Variants in PCDHGA1 observed in about 807,000 individuals in gnomAD.
The protein encoded by PCDHGA1 is protocadherin gamma-A1.
PCDHGA1 carries 32 observed loss-of-function variants against 58.0 expected under a neutral mutation model. The ratio of observed to expected loss-of-function variants is 0.55; its 90% CI spans 0.42 to 0.74. The LOEUF (loss-of-function observed/expected upper bound fraction) is 0.74, where lower values mean the gene tolerates loss of function less well. Among genes scored for constraint, PCDHGA1 ranks in the 30% least tolerant of loss-of-function variants. The pLI is 0.00. For missense variants in PCDHGA1, 1,205 were observed against 1,182.3 expected (o/e 1.02, Z -0.28); for synonymous variants, 498 against 501.1 (o/e 0.99, Z 0.08).
At chr5:141,399,425 G>A (rs2093805755) in intron 1 of PCDHGA1, 1 of 1,613,990 alleles carries the variant, frequency 6.2e-7, no homozygotes. Context: ...TCCAGCATAA[G>A]CGTCATCCTA....
At chr5:141,347,056 TTCCTTCCTTCCTTCCTCTCTCTCTTTCC>T (rs1561493149) in intron 1 of PCDHGA1, among the ~76,000 whole-genome samples, 163 of 135,468 alleles carry the variant, frequency 1.2e-3, no homozygotes, top group South Asian at 1.1e-3. Flanking sequence ...TCTTTCCTCC[TTCCTTCCTTCCTTCCTCTCTCTCTTTCC>T]TCCTTCCTTC....
In PCDHGA1 at chr5:141,332,339, T is replaced by G; in HGVS notation, c.1655T>G (p.Leu552Arg). The G allele has an allele frequency of 6.2e-7, 1 of 1,614,204 alleles. No individual in the cohort carries two copies. Residue 552 changes from leucine (L) to arginine (R), a missense_variant, in exon 1 of 4, where the codon CTG becomes CGG. By Grantham distance (102) the Leu-to-Arg change is moderately radical (BLOSUM62 -2). Transcript: ENST00000517417. The surrounding 1 kb of genome is among the most constrained non-coding windows in gnomAD (Gnocchi z 4.6). ...LSSNVSLSLF[L>R]LDQNDNAPEI... ...AGCAACGTGTCTCTCAGCCTATTCC[T>G]GCTGGACCAGAACGACAACGCGCCC...
intron 1 of PCDHGA1, chr5:141,351,851 A>G (rs543692676): frequency 1.9e-6 from 3 of 1,613,034 alleles, no homozygotes; most frequent in Non-Finnish European, 2.5e-6. Context: ...ACTGCAGGCC[A>G]GGGACCAGGG....
chr5:141,357,488 C>G (rs1230103133), intron 1 of PCDHGA1: 2 of 1,614,218 alleles, frequency 1.2e-6, no homozygotes, highest in Admixed American at 1.7e-5. Context: ...ACCGCGGACT[C>G]GCGGAAGAGT....
chr5:141,362,794 C>T (rs865957377), intron 1 of PCDHGA1, among the ~76,000 whole-genome samples: 2 of 152,246 alleles, frequency 1.3e-5, no homozygotes, highest in African/African-American at 4.8e-5. Context: ...TTTTCTTCCT[C>T]ATCTTTACAT....
chr5:141,372,689 T>C (rs1465173410), intron 1 of PCDHGA1: 1 of 1,614,032 alleles, frequency 6.2e-7, no homozygotes. Flanking sequence ...ACACCGAGTT[T>C]AAATTTCTCA....
chr5:141,391,553 T>G (rs2150453893), intron 1 of PCDHGA1: 1 of 152,348 alleles, frequency 6.6e-6, no homozygotes, highest in South Asian at 2.1e-4. Context: ...CTACCCAGTT[T>G]TCCATATGCA....
chr5:141,487,826 T>C lies in PCDHGA1; in HGVS notation c.2422-6981T>C, dbSNP rs1321152837. 24 of 1,187,814 alleles carry C rather than the reference T, an allele frequency of 2.0e-5. No homozygotes were observed. The highest frequency in any genetic ancestry group is 2.8e-5 in the Non-Finnish European group (24 of 856,356). The allele number at this position is 1,187,814 out of a possible 1,614,324, so 73.6% of individuals were successfully genotyped here. On this transcript the variant is annotated intron_variant, in intron 1 of 3. Coordinates refer to ENST00000517417, the MANE Select transcript of PCDHGA1 (RefSeq NM_018912.3). The surrounding 1 kb of genome is among the most constrained non-coding windows in gnomAD (Gnocchi z 5.0). ...ACAGTTTAGCATTGGGGGCGGGTCA[T>C]GCCTATATCTGAGTAAGAAATGAAA... is the stretch of plus-strand genomic sequence containing the variant.
At position 141,489,297 on chromosome 5, in the gene PCDHGA1, G is replaced by A. The variant is rs184934961; in HGVS notation, c.2422-5510G>A. 5.1e-6 allele frequency: 8 copies of A among 1,583,774 alleles called. No homozygotes were observed. Among genetic ancestry groups the A allele is most frequent in the Non-Finnish European group, 6.9e-6 (8 of 1,164,904 alleles). ...GGAAATGGCAAGTGCTGTGCATGTT[G>A]TCCTTGTGCTGCTGGGGCTGGGTGT... is the stretch of plus-strand genomic sequence containing the variant. On this transcript the variant is annotated intron_variant, in intron 1 of 3. Coordinates refer to ENST00000517417, the MANE Select transcript of PCDHGA1 (RefSeq NM_018912.3). This position sits in a 1 kb window ranked among gnomAD's most constrained non-coding sequence, Gnocchi z 4.5.
intron 1 of PCDHGA1, chr5:141,366,538 C>T (rs1369448812): frequency 2.5e-6 from 4 of 1,614,268 alleles, no homozygotes; most frequent in Admixed American, 1.7e-5. Flanking sequence ...CGGGTGTGCC[C>T]GCCTCGCACT....
At chr5:141,413,449 G>T in intron 1 of PCDHGA1, 2 of 1,614,120 alleles carry the variant, frequency 1.2e-6, no homozygotes, top group South Asian at 2.2e-5. Context: ...GATCACCGCG[G>T]GCAGGATAGA....
Position 141,431,581 on chromosome 5 carries a change from T to C in PCDHGA1, c.2422-63226T>C. The C allele has an allele frequency of 1.2e-6, 2 of 1,614,160 alleles. No individual in the cohort carries two copies. Among genetic ancestry groups the C allele is most frequent in the Non-Finnish European group, 1.7e-6 (2 of 1,180,022 alleles). ...CTACCGACCCTGACGAAGGAGTCAA[T>C]GCGGAAGTGAGGTATTCCTTCCGGT... On this transcript the variant is annotated intron_variant, in intron 1 of 3. Transcript: ENST00000517417. This position sits in a 1 kb window ranked among gnomAD's most constrained non-coding sequence, Gnocchi z 4.8.
chr5:141,400,459 G>T, intron 1 of PCDHGA1: 1 of 1,614,072 alleles, frequency 6.2e-7, no homozygotes, highest in African/African-American at 1.3e-5. Context: ...CATACTTTGT[G>T]GTGATTCATC....
chr5:141,494,601 A>T (rs1396717178), intron 1 of PCDHGA1, among the ~76,000 whole-genome samples: 1 of 151,892 alleles, frequency 6.6e-6, no homozygotes, highest in East Asian at 1.9e-4. Context: ...ATGAAATGTG[A>T]TTTATCTCTT....
At position 141,366,991 on chromosome 5, in the gene PCDHGA1, A is replaced by G. The variant is rs1764892123; in HGVS notation, c.2421+33886A>G. The G allele has an allele frequency of 1.3e-5, 6 of 477,098 alleles. No individual in the cohort carries two copies. The South Asian group carries it at 2.2e-4, about 18-fold the overall frequency. 29.6% of individuals were successfully genotyped at this position (477,098 alleles called of 1,614,324 possible). A position where few individuals can be genotyped will look rare whatever the true frequency, so the allele number is the denominator to read the frequency against. Reference sequence around the variant, plus strand: ...AAATACCTTAAAGGAAAGTGGTTAAATATAATCATTTTACCCAAATATTTT... The same window carrying G: ...AAATACCTTAAAGGAAAGTGGTTAAGTATAATCATTTTACCCAAATATTTT... On this transcript the variant is annotated intron_variant, in intron 1 of 3. Coordinates refer to ENST00000517417, the MANE Select transcript of PCDHGA1 (RefSeq NM_018912.3).
In PCDHGA1 at chr5:141,505,419, C is replaced by G. The variant is rs1303924776; in HGVS notation, c.2507C>G (p.Thr836Ser). 6 of 1,614,140 alleles carry G rather than the reference C, an allele frequency of 3.7e-6. No individual in the cohort carries two copies. The highest frequency in any genetic ancestry group is 4.2e-6 in the Non-Finnish European group (5 of 1,180,062). Residue 836 changes from threonine to serine, a missense_variant, in exon 3 of 4, where the codon ACC becomes AGC. Thr to Ser is a moderately conservative substitution (Grantham distance 58). Coordinates refer to ENST00000517417, the MANE Select transcript of PCDHGA1 (RefSeq NM_018912.3). ...SGSQNGDDTGTWPNNQFDTEM... is the reference protein window; with the variant it reads ...SGSQNGDDTGSWPNNQFDTEM... ...TCCCAAAATGGCGATGACACCGGCACCTGGCCCAACAACCAGTTTGACACA... is the reference window on the plus strand; with the variant it reads ...TCCCAAAATGGCGATGACACCGGCAGCTGGCCCAACAACCAGTTTGACACA...
rs376101780 is a variant in PCDHGA1, at chr5:141,485,901, A to G, written c.2422-8906A>G. 3 of 1,614,026 alleles carry G rather than the reference A, an allele frequency of 1.9e-6. No homozygotes were observed. In the African/African-American group the frequency reaches 4.0e-5, roughly 22 times the overall value. Reference sequence around the variant, plus strand: ...GTAAACGACAACGCCCCAGCCTTCCAGCAATCCAGCTACAGGATTAGTGTG... The same window carrying G: ...GTAAACGACAACGCCCCAGCCTTCCGGCAATCCAGCTACAGGATTAGTGTG... On this transcript the variant is annotated intron_variant, in intron 1 of 3. Coordinates refer to ENST00000517417, the MANE Select transcript of PCDHGA1 (RefSeq NM_018912.3). This position sits in a 1 kb window ranked among gnomAD's most constrained non-coding sequence, Gnocchi z 5.7.
chr5:141,374,385 G>A (rs1588739577), intron 1 of PCDHGA1: 3 of 1,614,026 alleles, frequency 1.9e-6, no homozygotes, highest in African/African-American at 1.3e-5. Flanking sequence ...CAGAGCCCGC[G>A]GTGTCTGGTG....
Position 141,384,414 on chromosome 5 carries a change from C to T in PCDHGA1, c.2421+51309C>T, listed in dbSNP as rs1159996307. 5 of 1,613,838 alleles carry T rather than the reference C, an allele frequency of 3.1e-6. No individual in the cohort carries two copies. In the East Asian group the frequency reaches 8.9e-5, roughly 29 times the overall value. ...AGGGGGCTCCAGTGTCCTCCTATGT[C>T]TCCATAAACTCTGACACTGGAGTCC... On this transcript the variant is annotated intron_variant, in intron 1 of 3. Coordinates refer to ENST00000517417, the MANE Select transcript of PCDHGA1 (RefSeq NM_018912.3).
Sources: gnomAD v4.1 joint callset for allele counts (sites outside exome capture counted in the v4.1 genomes callset) on GRCh38, gnomAD v4.1.1 for gene constraint, Gnocchi (gnomAD v3.1) non-coding constraint, MANE v1.5 for transcripts, NCBI Gene and HGNC (gene_info 2026-07-23, HGNC 2026-07-21) for gene names.